Variants in RBPJ observed in about 807,000 individuals in gnomAD.
The protein encoded by RBPJ is recombining binding protein suppressor of hairless.
In RBPJ, 9 loss-of-function variants were observed where a neutral mutation model predicts 67.8. That is an observed-to-expected ratio of 0.13 (90% CI 0.08 to 0.23). RBPJ has a LOEUF of 0.23. RBPJ is among the 10% of genes least tolerant of loss of function. The probability of loss-of-function intolerance (pLI) is 1.00; values close to 1 mark genes in which losing one functional copy is unlikely to be tolerated. For missense variants in RBPJ, 305 were observed against 595.6 expected (o/e 0.51, Z 5.08); for synonymous variants, 198 against 203.3 (o/e 0.97, Z 0.22).
intron 2 of RBPJ, among the ~76,000 whole-genome samples, chr4:26,399,199 C>T (rs1732495766): frequency 6.6e-6 from 1 of 152,180 alleles, no homozygotes; most frequent in East Asian, 1.9e-4. Context: ...TAGCTTGCTT[C>T]AGTGGTGTTG....
chr4:26,419,206 T>A (rs1160380428), intron 4 of RBPJ, among the ~76,000 whole-genome samples: 1 of 152,160 alleles, frequency 6.6e-6, no homozygotes, highest in East Asian at 1.9e-4. Context: ...CTCAAACTTC[T>A]GGACTTAAGC....
chr4:26,414,866 C>G (rs566170675), intron 3 of RBPJ, among the ~76,000 whole-genome samples: 1 of 152,296 alleles, frequency 6.6e-6, no homozygotes, highest in African/African-American at 2.4e-5. Flanking sequence ...CTACAGCGCA[C>G]CAGGTGTTCC....
intron 5 of RBPJ, among the ~76,000 whole-genome samples, chr4:26,422,399 C>T (rs1384913590): frequency 3.3e-5 from 5 of 152,218 alleles, no homozygotes; most frequent in African/African-American, 9.6e-5. Flanking sequence ...CTTCTGCATT[C>T]GTTAGCTGGA....
chr4:26,254,714 G>A (rs1028162465), intron 1 of RBPJ, among the ~76,000 whole-genome samples: 1 of 147,230 alleles, frequency 6.8e-6, no homozygotes, highest in Non-Finnish European at 1.5e-5. Context: ...GTCACACCCT[G>A]TAACCCAGGC....
chr4:26,138,373 G>GA, the RBPJ span, among the ~76,000 whole-genome samples: 105,216 of 147,182 alleles, frequency 0.71, 37,906 homozygotes, highest in East Asian at 0.94. Context: ...TGGCACTAGA[G>GA]AAAAAAAAAA....
At chr4:26,338,460 A>G (rs1725136759) in intron 1 of RBPJ, among the ~76,000 whole-genome samples, 1 of 149,612 alleles carries the variant, frequency 6.7e-6, no homozygotes, top group Non-Finnish European at 1.5e-5. Flanking sequence ...GGCCTCTTAC[A>G]TGTATTTTTC....
chr4:26,141,673 G>A, the RBPJ span, among the ~76,000 whole-genome samples: 2 of 152,094 alleles, frequency 1.3e-5, no homozygotes, highest in African/African-American at 4.8e-5. Context: ...TTCTTTTCTG[G>A]CTATTTGAAA....
At chr4:26,318,082 G>GT (rs142469301), upstream of RBPJ, among the ~76,000 whole-genome samples, 6,464 of 151,930 alleles carry the variant, frequency 0.043, 201 homozygotes, top group Non-Finnish European at 0.066. Flanking sequence ...TTTTAAGTCT[G>GT]TTTTTTTGTG....
At chr4:26,140,389 C>T in the RBPJ span, among the ~76,000 whole-genome samples, 1 of 152,206 alleles carries the variant, frequency 6.6e-6, no homozygotes, top group Non-Finnish European at 1.5e-5. Context: ...TATGAGCACA[C>T]ATAACTGAAG....
At chr4:26,247,502 C>T (rs1456288534) in intron 1 of RBPJ, among the ~76,000 whole-genome samples, 1 of 152,138 alleles carries the variant, frequency 6.6e-6, no homozygotes, top group African/African-American at 2.4e-5. Context: ...CCTCCGCTTC[C>T]TGGGTTCAAG....
intron 2 of RBPJ, among the ~76,000 whole-genome samples, chr4:26,395,802 C>T (rs2109687953): frequency 6.6e-6 from 1 of 152,340 alleles, no homozygotes; most frequent in African/African-American, 2.4e-5. Context: ...TATTTGTCTA[C>T]TAATTTAGGG....
intron 1 of RBPJ, among the ~76,000 whole-genome samples, chr4:26,193,943 T>G (rs888028310): frequency 1.3e-5 from 2 of 152,160 alleles, no homozygotes; most frequent in Non-Finnish European, 2.9e-5. Flanking sequence ...ACATGGCAGG[T>G]TCTCCCAAGC....
At chr4:26,320,858 C>T, upstream of RBPJ, 2 of 1,569,078 alleles carry the variant, frequency 1.3e-6, no homozygotes, top group South Asian at 1.2e-5. Flanking sequence ...CCCTACTCTG[C>T]GGGCGGCGCG....
chr4:26,428,920 CA>C (rs1577678534), intron 8 of RBPJ, 60 bp downstream of exon 8: 4 of 1,331,604 alleles, frequency 3.0e-6, no homozygotes, highest in Non-Finnish European at 3.2e-6. Flanking sequence ...TAGCAGCTTG[CA>C]AAAATATGAA....
At chr4:26,272,546 G>C (rs931764393) in intron 1 of RBPJ, 1 of 367,346 alleles carries the variant, frequency 2.7e-6, no homozygotes, top group Non-Finnish European at 5.3e-6. Context: ...ACTCCAGCCT[G>C]GGTGACAGAG....
chr4:26,264,694 G>A lies in RBPJ; in HGVS notation c.-166-97752G>A, dbSNP rs868083206. ...CCAAAAGCACCATGCCCTTGACCTG[G>A]CTAACTGCTCATTGCTTTGAGTCTC... On this transcript the variant is annotated intron_variant, in intron 1 of 4. Transcript: ENST00000512351. This position sits in a 1 kb window ranked among gnomAD's most constrained non-coding sequence, Gnocchi z 4.1. 1.3e-5 allele frequency among the ~76,000 whole-genome samples: 2 copies of A among 152,240 alleles called. No individual in the cohort carries two copies. The highest frequency in any genetic ancestry group is 4.2e-4 in the South Asian group (2 of 4,806).
At chr4:26,428,631 A>T in intron 7 of RBPJ, 89 bp from the exon 8 acceptor site, 1 of 937,012 alleles carries the variant, frequency 1.1e-6, no homozygotes. Context: ...ATTATGCAGT[A>T]TATAGCTTCT....
At chr4:26,409,303 A>G (rs1733784936) in intron 3 of RBPJ, among the ~76,000 whole-genome samples, 1 of 152,012 alleles carries the variant, frequency 6.6e-6, no homozygotes, top group Non-Finnish European at 1.5e-5. Context: ...ATGGTGGCTC[A>G]TGCCTGTAAT....
At chr4:26,406,378 C>A in intron 3 of RBPJ, 108 bp downstream of exon 3, 1 of 685,850 alleles carries the variant, frequency 1.5e-6, no homozygotes, top group South Asian at 1.8e-5. Context: ...GGTTCATTTG[C>A]TAGTACAAAA....
Sources: gnomAD v4.1 joint callset for allele counts (sites outside exome capture counted in the v4.1 genomes callset) on GRCh38, gnomAD v4.1.1 for gene constraint, Gnocchi (gnomAD v3.1) non-coding constraint, MANE v1.5 for transcripts, NCBI Gene and HGNC (gene_info 2026-07-23, HGNC 2026-07-21) for gene names.